The following IFFO2 variants were observed in gnomAD, a reference collection of about 807,000 sequenced individuals.
IFFO2 encodes the protein intermediate filament family orphan 2.
A neutral mutation model predicts 53.5 loss-of-function variants in IFFO2; 19 were observed. The ratio of observed to expected loss-of-function variants is 0.36; its 90% CI spans 0.25 to 0.52. The LOEUF (loss-of-function observed/expected upper bound fraction) is 0.52, where lower values mean the gene tolerates loss of function less well. IFFO2 is among the 20% of genes least tolerant of loss of function. The pLI, the probability that IFFO2 is intolerant of heterozygous loss-of-function variation, is 0.94. For synonymous variants in IFFO2, 303 were observed against 313.6 expected, an observed-to-expected ratio of 0.97 and a Z score of 0.36; for missense variants, 570 against 727.4, an observed-to-expected ratio of 0.78 and a Z score of 2.49.
chr1:18,950,752 C>G (rs566908308), intron 1 of IFFO2, among the ~76,000 whole-genome samples: 28 of 152,240 alleles, frequency 1.8e-4, no homozygotes, highest in African/African-American at 6.0e-4. Context: ...TGCTTGAGGG[C>G]CCCCCTGGGG....
chr1:18,953,367 AC>A (rs1936682010), intron 1 of IFFO2, among the ~76,000 whole-genome samples: 1 of 152,206 alleles, frequency 6.6e-6, no homozygotes, highest in Non-Finnish European at 1.5e-5. Flanking sequence ...TCTTAGGGAT[AC>A]CCAAAACATA....
chr1:18,949,553 G>A (rs1017954169), intron 1 of IFFO2, among the ~76,000 whole-genome samples: 5 of 152,234 alleles, frequency 3.3e-5, no homozygotes, highest in African/African-American at 7.2e-5. Context: ...CTCTCAATGC[G>A]ATCAAAAGCC....
At position 18,909,653 on chromosome 1, in the gene IFFO2, C is replaced by T. The variant is rs189927984; in HGVS notation, c.1448+689G>A. ...GCTAGGCACTCATTCTCTCCCCTGC[C>T]GCCCTGTGAAGAGGTGCCTTCTGCC... On this transcript the variant is annotated intron_variant, in intron 8 of 8. Transcript: ENST00000455833. 5.1e-3 allele frequency among the ~76,000 whole-genome samples: 778 copies of T among 152,320 alleles called. 2 individuals carry two copies. The highest frequency in any genetic ancestry group is 0.014 in the Middle Eastern group (4 of 294).
intron 1 of IFFO2, among the ~76,000 whole-genome samples, chr1:18,922,084 G>C (rs1038238609): frequency 6.6e-6 from 1 of 152,152 alleles, no homozygotes; most frequent in African/African-American, 2.4e-5. Flanking sequence ...AAGGCCCAGA[G>C]GCACAAGCTG....
At chr1:18,955,584 G>C (rs1314390323) in intron 1 of IFFO2, 84 bp downstream of exon 1, 3 of 1,460,920 alleles carry the variant, frequency 2.1e-6, no homozygotes, top group Non-Finnish European at 2.7e-6. Context: ...CTGCCCGCCC[G>C]GCCCCCGTCC....
At chr1:18,913,817 GTTGTTGT>G (rs1936083803) in intron 5 of IFFO2, among the ~76,000 whole-genome samples, 1 of 111,986 alleles carries the variant, frequency 8.9e-6, no homozygotes. Context: ...GTTTGTTGTT[GTTGTTGT>G]TTTTTTGTTT....
At chr1:18,929,004 G>A (rs1936338523) in intron 1 of IFFO2, among the ~76,000 whole-genome samples, 1 of 152,212 alleles carries the variant, frequency 6.6e-6, no homozygotes, top group Non-Finnish European at 1.5e-5. Context: ...GCGTGGTGTG[G>A]GAGCATGCAT....
At position 18,911,414 on chromosome 1, in the gene IFFO2, C is replaced by A; in HGVS notation, c.1287G>T (p.Lys429Asn). ...TCTGACCTATCGTTTCCTGGTACTC[C>A]TTGTCTCTCGTCTTGAAGAAGGATT... is the stretch of plus-strand genomic sequence containing the variant. ...ETESFFKTRD[K>N]EYQETIGQIE... Residue 429 changes from lysine (K) to asparagine (N), a missense_variant, in exon 7 of 9, where the codon AAG becomes AAT. Transcript: ENST00000455833. The A allele has an allele frequency of 6.6e-7, 1 of 1,523,170 alleles. No homozygotes were observed. The highest frequency in any genetic ancestry group is 8.8e-7 in the Non-Finnish European group (1 of 1,134,978). The allele number at this position is 1,523,170 out of a possible 1,614,324, so 94.4% of individuals were successfully genotyped here. A position where few individuals can be genotyped will look rare whatever the true frequency, so the allele number is the denominator to read the frequency against.
intron 1 of IFFO2, among the ~76,000 whole-genome samples, chr1:18,931,926 A>T (rs897737800): frequency 2.6e-5 from 4 of 152,198 alleles, no homozygotes; most frequent in African/African-American, 9.7e-5. Flanking sequence ...GGTCACAGTC[A>T]CTGACCTGGA....
intron 1 of IFFO2, among the ~76,000 whole-genome samples, chr1:18,944,582 A>G (rs1024402552): frequency 6.6e-6 from 1 of 151,616 alleles, no homozygotes; most frequent in African/African-American, 2.4e-5. Flanking sequence ...TCAAGACCCT[A>G]CCCCCAGCCC....
rs764558061 is a variant in IFFO2, at chr1:18,919,785, G to C, written c.727-12C>G. On this transcript the variant is annotated splice_polypyrimidine_tract_variant and intron_variant, in intron 2 of 8. Transcript: ENST00000455833. This position sits in a 1 kb window ranked among gnomAD's most constrained non-coding sequence, Gnocchi z 4.9. ...GCCTCCTGTGCTGCCTGCGGGGACG[G>C]AGATGGGGAGGCTTCAGAGGGGCCG... 1 of 1,541,810 alleles carries C rather than the reference G, an allele frequency of 6.5e-7. No individual in the cohort carries two copies. Among genetic ancestry groups the C allele is most frequent in the Non-Finnish European group, 8.8e-7 (1 of 1,138,466 alleles).
intron 1 of IFFO2, among the ~76,000 whole-genome samples, chr1:18,938,735 G>A (rs1158571429): frequency 6.6e-6 from 1 of 152,062 alleles, no homozygotes; most frequent in Non-Finnish European, 1.5e-5. Flanking sequence ...CAGGGAGGGT[G>A]GCCAGAGGAC....
chr1:18,955,897 C>T lies in IFFO2; in HGVS notation c.436G>A (p.Gly146Ser). ...NAVALGGLPP[G>S]GGSHPQHYGR... ...TAGTGCTGCGGGTGCGAGCCGCCGC[C>T]GGGGGGCAGGCCGCCCAGGGCCACG... Residue 146 changes from glycine (G) to serine (S), a missense_variant, in exon 1 of 9, where the codon GGC becomes AGC. By Grantham distance (56) the Gly-to-Ser change is moderately conservative (BLOSUM62 0). Transcript: ENST00000455833. 1.5e-6 allele frequency: 2 copies of T among 1,345,880 alleles called. No individual in the cohort carries two copies. Among genetic ancestry groups the T allele is most frequent in the Non-Finnish European group, 9.5e-7 (1 of 1,058,118 alleles). 83.4% of individuals were successfully genotyped at this position (1,345,880 alleles called of 1,614,324 possible). A position where few individuals can be genotyped will look rare whatever the true frequency, so the allele number is the denominator to read the frequency against.
chr1:18,934,703 T>G (rs1378424299), intron 1 of IFFO2, among the ~76,000 whole-genome samples: 2 of 152,232 alleles, frequency 1.3e-5, no homozygotes, highest in East Asian at 3.8e-4. Flanking sequence ...CAACTTTTTC[T>G]TATGAGATTT....
intron 1 of IFFO2, among the ~76,000 whole-genome samples, chr1:18,926,359 AG>A (rs2148174269): frequency 6.6e-6 from 1 of 152,286 alleles, no homozygotes; most frequent in Non-Finnish European, 1.5e-5. Context: ...AGGGATGGCC[AG>A]GGCAGGAAGC....
In IFFO2 at chr1:18,911,461, C is replaced by G. The variant is rs934770684; in HGVS notation, c.1240G>C (p.Gly414Arg). The change falls in exon 7 of 9, where the codon GGC becomes CGC. Residue 414 changes from glycine (G) to arginine (R), a missense_variant. Transcript: ENST00000455833. ...DLQGEQEENL[G>R]NLIHETESFF... ...GATTCGGTCTCATGGATCAAGTTGC[C>G]CAAGTTTTCCTCTTGCTGGGGAAAT... 6.6e-7 allele frequency: 1 copy of G among 1,506,366 alleles called. No individual in the cohort carries two copies. The allele number at this position is 1,506,366 out of a possible 1,614,324, so 93.3% of individuals were successfully genotyped here.
Position 18,918,075 on chromosome 1 carries a change from G to A in IFFO2, c.963+287C>T, listed in dbSNP as rs551179672. Among the ~76,000 whole-genome samples the A allele has an allele frequency of 6.6e-6, 1 of 152,204 alleles. No individual in the cohort carries two copies. Among genetic ancestry groups the A allele is most frequent in the Non-Finnish European group, 1.5e-5 (1 of 68,042 alleles). On this transcript the variant is annotated intron_variant, in intron 4 of 8. Transcript: ENST00000455833. This position sits in a 1 kb window ranked among gnomAD's most constrained non-coding sequence, Gnocchi z 5.2. ...GGGCTGGTGAACCAAGCCCTGGAGG[G>A]GCAGGAGACTGATTTCTGCCACTTC...
chr1:18,920,986 G>A (rs764353540), intron 2 of IFFO2, 75 bp downstream of exon 2: 396 of 1,325,776 alleles, frequency 3.0e-4, no homozygotes, highest in Non-Finnish European at 3.9e-4. Flanking sequence ...TGGCTTTGCC[G>A]CATGAAGACT....
intron 1 of IFFO2, among the ~76,000 whole-genome samples, chr1:18,938,865 G>A (rs1936483503): frequency 6.6e-6 from 1 of 152,216 alleles, no homozygotes; most frequent in Admixed American, 6.5e-5. Flanking sequence ...TGGTGATTTT[G>A]CCTTGGGACA....
Sources: allele counts gnomAD v4.1 joint callset (sites outside exome capture counted in the v4.1 genomes callset), GRCh38; gene constraint gnomAD v4.1.1; non-coding constraint Gnocchi (gnomAD v3.1); transcripts MANE v1.5; gene names NCBI Gene and HGNC (gene_info 2026-07-23, HGNC 2026-07-21).